NAALADL2: variants seen among roughly 807,000 people sequenced by gnomAD.
The protein encoded by NAALADL2 is N-acetylated alpha-linked acidic dipeptidase like 2.
A neutral mutation model predicts 87.2 loss-of-function variants in NAALADL2; 76 were observed. The observed-to-expected ratio is 0.87, with a 90% CI of 0.72 to 1.05. The LOEUF is 1.05. NAALADL2 is among the 50% of genes least tolerant of loss of function. The probability of loss-of-function intolerance (pLI) is 0.00; values close to 1 mark genes in which losing one functional copy is unlikely to be tolerated. For missense variants in NAALADL2, 1,089 were observed against 945.8 expected (o/e 1.15, Z -1.99); for synonymous variants, 354 against 331.0 (o/e 1.07, Z -0.75).
intron 13 of NAALADL2, among the ~76,000 whole-genome samples, chr3:175,783,517 G>A (rs1472703070): frequency 6.6e-6 from 1 of 151,718 alleles, no homozygotes; most frequent in African/African-American, 2.4e-5. Flanking sequence ...TGTTATTGGT[G>A]TATAAGAATG....
At chr3:174,516,240 T>G (rs995783045) in intron 1 of NAALADL2, among the ~76,000 whole-genome samples, 4 of 152,092 alleles carry the variant, frequency 2.6e-5, no homozygotes, top group Non-Finnish European at 5.9e-5. Context: ...AGCAATTTCA[T>G]TTGTTAATGA....
At chr3:174,501,141 G>A (rs527465779) in intron 1 of NAALADL2, among the ~76,000 whole-genome samples, 39 of 138,480 alleles carry the variant, frequency 2.8e-4, no homozygotes, top group Non-Finnish European at 5.0e-4. Context: ...TGCAGTGGCG[G>A]GATCTCGGCT....
At chr3:175,500,075 C>A (rs962887459) in intron 9 of NAALADL2, among the ~76,000 whole-genome samples, 1 of 151,854 alleles carries the variant, frequency 6.6e-6, no homozygotes, top group African/African-American at 2.4e-5. Flanking sequence ...AAATAAATAC[C>A]GAATGACTAC....
chr3:175,366,242 T>G (rs1765549478), intron 5 of NAALADL2, among the ~76,000 whole-genome samples: 3 of 149,932 alleles, frequency 2.0e-5, no homozygotes, highest in African/African-American at 7.3e-5. Context: ...CCACATTTTC[T>G]TAATCCAGTC....
At chr3:175,017,480 A>T (rs769291060) in intron 1 of NAALADL2, among the ~76,000 whole-genome samples, 2 of 152,066 alleles carry the variant, frequency 1.3e-5, no homozygotes, top group Non-Finnish European at 2.9e-5. Context: ...AAGGTCATAC[A>T]ATTCTGTACG....
At chr3:175,549,991 A>G (rs148256582) in intron 9 of NAALADL2, among the ~76,000 whole-genome samples, 56 of 152,252 alleles carry the variant, frequency 3.7e-4, no homozygotes, top group Middle Eastern at 3.4e-3. Context: ...AGAAGCTTAT[A>G]TATCATTTTA....
At chr3:174,718,933 T>C (rs902325619) in intron 2 of NAALADL2, among the ~76,000 whole-genome samples, 5 of 152,146 alleles carry the variant, frequency 3.3e-5, no homozygotes, top group African/African-American at 1.2e-4. Context: ...AATGCAGTCT[T>C]TTTTCCTTAT....
At chr3:175,540,804 T>C (rs1180537450) in intron 9 of NAALADL2, among the ~76,000 whole-genome samples, 1 of 152,120 alleles carries the variant, frequency 6.6e-6, no homozygotes, top group Non-Finnish European at 1.5e-5. Flanking sequence ...TACCATTTAC[T>C]AAATAGGGGC....
chr3:175,383,478 T>C (rs1042569323), intron 5 of NAALADL2, among the ~76,000 whole-genome samples: 1 of 152,024 alleles, frequency 6.6e-6, no homozygotes, highest in African/African-American at 2.4e-5. Context: ...ATGCAATGCA[T>C]TATTATTAAC....
In NAALADL2 at chr3:175,681,228, G is replaced by C. The variant is rs188612496; in HGVS notation, c.1896+53842G>C. Among the ~76,000 whole-genome samples the C allele has an allele frequency of 6.1e-3, 921 of 151,974 alleles. 9 individuals are homozygous for C. Among genetic ancestry groups the C allele is most frequent in the African/African-American group, 0.021 (860 of 41,450 alleles). On this transcript the variant is annotated intron_variant, in intron 11 of 13. Coordinates refer to ENST00000454872, the MANE Select transcript of NAALADL2 (RefSeq NM_207015.3). The stretch of plus-strand genomic sequence containing the variant: ...TTTAGTAATATTCTATCACACAATA[G>C]AATCAAGAAGTGGTTATTGACAAGA...
At chr3:174,756,675 C>G (rs531019552) in intron 3 of NAALADL2, among the ~76,000 whole-genome samples, 36 of 152,278 alleles carry the variant, frequency 2.4e-4, no homozygotes, top group Middle Eastern at 3.4e-3. Flanking sequence ...GAGGGAGAAG[C>G]AGCACATAAG....
chr3:175,429,296 A>G (rs922571096), intron 5 of NAALADL2, among the ~76,000 whole-genome samples: 4 of 151,712 alleles, frequency 2.6e-5, no homozygotes, highest in African/African-American at 9.7e-5. Flanking sequence ...GAGCAGGAAA[A>G]CCTAACTGAT....
intron 2 of NAALADL2, among the ~76,000 whole-genome samples, chr3:175,125,795 T>C (rs755819764): frequency 3.3e-5 from 5 of 152,060 alleles, no homozygotes; most frequent in Non-Finnish European, 5.9e-5. Context: ...ATAAAAGTTT[T>C]AGAATTGTCA....
At chr3:175,050,721 G>T (rs1171163406) in intron 1 of NAALADL2, among the ~76,000 whole-genome samples, 2 of 152,200 alleles carry the variant, frequency 1.3e-5, no homozygotes, top group African/African-American at 4.8e-5. Context: ...ACAGATTAAG[G>T]TTATAGAAAT....
Position 175,805,749 on chromosome 3 carries a change from T to C in NAALADL2, c.*2546T>C, listed in dbSNP as rs928157225. ...ACATAGAATTGTGCCTAGGAAATAATGAATCATAAATATTCTCTGAAGAAA... is the reference window on the plus strand; with the variant it reads ...ACATAGAATTGTGCCTAGGAAATAACGAATCATAAATATTCTCTGAAGAAA... On this transcript the variant is annotated 3_prime_UTR_variant, in exon 14 of 14. Transcript: ENST00000454872. 1.3e-4 allele frequency: 20 copies of C among 151,850 alleles called. No homozygotes were observed. Among genetic ancestry groups the C allele is most frequent in the African/African-American group, 4.8e-4 (20 of 41,400 alleles). The allele number at this position is 151,850 out of a possible 1,614,324, so 9.4% of individuals were successfully genotyped here.
chr3:174,783,855 A>AT (rs918439702), intron 3 of NAALADL2, among the ~76,000 whole-genome samples: 44 of 152,092 alleles, frequency 2.9e-4, no homozygotes, highest in Admixed American at 1.2e-3. Context: ...CCAGGGCATC[A>AT]TTTTTTTCAG....
At chr3:175,370,664 T>A (rs1766363979) in intron 5 of NAALADL2, among the ~76,000 whole-genome samples, 1 of 152,224 alleles carries the variant, frequency 6.6e-6, no homozygotes, top group African/African-American at 2.4e-5. Flanking sequence ...GCTTTCCACA[T>A]AGGCAGGATG....
intron 10 of NAALADL2, among the ~76,000 whole-genome samples, chr3:175,599,283 C>T (rs991375101): frequency 6.6e-6 from 1 of 152,014 alleles, no homozygotes; most frequent in African/African-American, 2.4e-5. Flanking sequence ...AATAAAATTA[C>T]TGATCATCTC....
intron 9 of NAALADL2, among the ~76,000 whole-genome samples, chr3:175,492,960 G>C (rs752127016): frequency 6.6e-6 from 1 of 151,812 alleles, no homozygotes; most frequent in Non-Finnish European, 1.5e-5. Context: ...CTGGAAAATA[G>C]GTTCATGATA....
Sources: allele counts gnomAD v4.1 joint callset (sites outside exome capture counted in the v4.1 genomes callset), GRCh38; gene constraint gnomAD v4.1.1; transcripts MANE v1.5; gene names NCBI Gene and HGNC (gene_info 2026-07-23, HGNC 2026-07-21).